Variants in ERC2 observed in about 807,000 individuals in gnomAD.
The protein encoded by ERC2 is ERC protein 2.
In ERC2, 42 loss-of-function variants were observed where a neutral mutation model predicts 114.8. The observed-to-expected ratio is 0.37, with a 90% CI of 0.29 to 0.47. The LOEUF (loss-of-function observed/expected upper bound fraction) is 0.47, where lower values mean the gene tolerates loss of function less well. Among genes scored for constraint, ERC2 ranks in the 20% least tolerant of loss-of-function variants. The pLI, the probability that ERC2 is intolerant of heterozygous loss-of-function variation, is 0.99. For missense variants in ERC2, 939 were observed against 1,150.7 expected (o/e 0.82, Z 2.66); for synonymous variants, 454 against 425.5 (o/e 1.07, Z -0.82).
intron 17 of ERC2, among the ~76,000 whole-genome samples, chr3:55,614,524 C>T (rs2059045692): frequency 6.6e-6 from 1 of 152,026 alleles, no homozygotes; most frequent in African/African-American, 2.4e-5. Flanking sequence ...TCAAAAACTA[C>T]CCATATTTTT....
Position 55,721,836 on chromosome 3 carries a change from C to T in ERC2, c.2712+12935G>A, listed in dbSNP as rs538803956. On this transcript the variant is annotated intron_variant, in intron 15 of 17. Coordinates refer to ENST00000288221, the MANE Select transcript of ERC2 (RefSeq NM_015576.3). ...GGCTTTGTGATCCACATACCTCCTT[C>T]CTACCCCAGCACCCTAAGTGGCTTC... Among the ~76,000 whole-genome samples the T allele has an allele frequency of 5.5e-4, 84 of 152,364 alleles. 4 individuals carry two copies. The South Asian group carries it at 0.017, about 31-fold the overall frequency.
intron 13 of ERC2, among the ~76,000 whole-genome samples, chr3:55,940,101 G>A (rs2066689800): frequency 1.3e-5 from 2 of 152,158 alleles, no homozygotes; most frequent in Non-Finnish European, 2.9e-5. Context: ...TTCCCAATGG[G>A]AGGACATCCC....
At chr3:56,100,023 A>T (rs2078269011) in intron 6 of ERC2, among the ~76,000 whole-genome samples, 1 of 152,204 alleles carries the variant, frequency 6.6e-6, no homozygotes, top group Non-Finnish European at 1.5e-5. Flanking sequence ...GGCAGAAGAC[A>T]TTCCAAAGTA....
chr3:56,389,986 T>C (rs2060070260), intron 2 of ERC2, among the ~76,000 whole-genome samples: 1 of 152,204 alleles, frequency 6.6e-6, no homozygotes, highest in Non-Finnish European at 1.5e-5. Flanking sequence ...TAAATAGGGC[T>C]GAAATTTTAA....
intron 17 of ERC2, among the ~76,000 whole-genome samples, chr3:55,643,678 T>C (rs763729444): frequency 1.3e-5 from 2 of 152,210 alleles, no homozygotes; most frequent in African/African-American, 4.8e-5. Context: ...GAGAAAACTT[T>C]AGCTATTATT....
intron 13 of ERC2, among the ~76,000 whole-genome samples, chr3:55,904,116 T>A (rs1304349325): frequency 2.0e-5 from 3 of 152,234 alleles, no homozygotes; most frequent in Admixed American, 6.5e-5. Flanking sequence ...TGGAGAAATG[T>A]TCTCATGTAC....
intron 2 of ERC2, among the ~76,000 whole-genome samples, chr3:56,318,779 G>A (rs1392047232): frequency 2.0e-5 from 3 of 147,926 alleles, no homozygotes; most frequent in Non-Finnish European, 3.0e-5. Flanking sequence ...TAGGATGGCT[G>A]TTATAAAAAA....
intron 12 of ERC2, among the ~76,000 whole-genome samples, chr3:55,969,069 T>C (rs1375915954): frequency 6.6e-6 from 1 of 152,064 alleles, no homozygotes; most frequent in East Asian, 1.9e-4. Context: ...CTCGAATGAT[T>C]AAAATGGCCA....
intron 7 of ERC2, among the ~76,000 whole-genome samples, chr3:56,026,007 TATAAAA>T (rs1261112481): frequency 1.3e-5 from 2 of 151,588 alleles, no homozygotes; most frequent in Non-Finnish European, 2.9e-5. Flanking sequence ...ATTTTCAGCT[TATAAAA>T]AAGTAAGTAT....
At chr3:55,830,942 T>A (rs2060541797) in intron 14 of ERC2, among the ~76,000 whole-genome samples, 1 of 151,980 alleles carries the variant, frequency 6.6e-6, no homozygotes, top group Admixed American at 6.6e-5. Context: ...ACACCCCATT[T>A]CTTTAAAAAC....
Position 55,888,489 on chromosome 3 carries a change from G to T in ERC2, c.2464C>A (p.Arg822Ser). Reference sequence around the variant, plus strand: ...AGGGACTGTTGTGTGGAGGCGAGGCGTGCTTTGGTGGCATCCAGTTCCTGT... The same window carrying T: ...AGGGACTGTTGTGTGGAGGCGAGGCTTGCTTTGGTGGCATCCAGTTCCTGT... ...TRQELDATKA[R>S]LASTQQSLAE... Residue 822 changes from arginine to serine, a missense_variant, in exon 14 of 18, where the codon CGC becomes AGC. Arg to Ser is a moderately radical substitution (Grantham distance 110, BLOSUM62 -1). Transcript: ENST00000288221. 2 of 1,613,886 alleles carry T rather than the reference G, an allele frequency of 1.2e-6. No homozygotes were observed. The highest frequency in any genetic ancestry group is 2.2e-5 in the South Asian group (2 of 91,076).
At chr3:55,615,812 T>C (rs927871894) in intron 17 of ERC2, among the ~76,000 whole-genome samples, 1 of 152,200 alleles carries the variant, frequency 6.6e-6, no homozygotes, top group Non-Finnish European at 1.5e-5. Flanking sequence ...AAAAGTGGCA[T>C]GCGAGCAGGA....
At chr3:56,133,302 T>G (rs2080312532) in intron 6 of ERC2, among the ~76,000 whole-genome samples, 1 of 152,012 alleles carries the variant, frequency 6.6e-6, no homozygotes, top group African/African-American at 2.4e-5. Context: ...CTGGGTATGG[T>G]GTTGCATGCC....
intron 6 of ERC2, among the ~76,000 whole-genome samples, chr3:56,105,126 G>A (rs1212210716): frequency 2.0e-5 from 3 of 152,054 alleles, no homozygotes; most frequent in East Asian, 3.9e-4. Context: ...CAGATGCCAG[G>A]CATGTTGGAG....
chr3:55,908,297 G>A (rs916880032), intron 13 of ERC2, among the ~76,000 whole-genome samples: 7 of 152,130 alleles, frequency 4.6e-5, no homozygotes, highest in Admixed American at 2.0e-4. Context: ...CACATTATAG[G>A]CCACATCTGG....
At chr3:56,040,595 C>CATATACATATACATG (rs2075094929) in intron 7 of ERC2, among the ~76,000 whole-genome samples, 1 of 5,680 alleles carries the variant, frequency 1.8e-4, no homozygotes, top group African/African-American at 1.1e-3. Context: ...ACATATATAT[C>CATATACATATACATG]TATATATGTA....
At chr3:56,052,379 A>G (rs2075814811) in intron 7 of ERC2, among the ~76,000 whole-genome samples, 1 of 152,368 alleles carries the variant, frequency 6.6e-6, no homozygotes, top group East Asian at 1.9e-4. Context: ...GCTAATGCGC[A>G]GGGTCAGCAA....
At chr3:56,034,401 C>A (rs918070319) in intron 7 of ERC2, among the ~76,000 whole-genome samples, 1 of 152,054 alleles carries the variant, frequency 6.6e-6, no homozygotes, top group Non-Finnish European at 1.5e-5. Flanking sequence ...GACTTCAGTA[C>A]TCATTTTAAA....
intron 6 of ERC2, among the ~76,000 whole-genome samples, chr3:56,110,058 G>T (rs1480387627): frequency 2.0e-5 from 3 of 152,084 alleles, no homozygotes; most frequent in African/African-American, 7.2e-5. Context: ...CCACCATATA[G>T]GCAAATCACG....
Sources: gnomAD v4.1 joint callset for allele counts (sites outside exome capture counted in the v4.1 genomes callset) on GRCh38, gnomAD v4.1.1 for gene constraint, MANE v1.5 for transcripts, NCBI Gene and HGNC (gene_info 2026-07-23, HGNC 2026-07-21) for gene names.